SMURF2: variants seen among roughly 807,000 people sequenced by gnomAD.
SMURF2 encodes E3 ubiquitin-protein ligase SMURF2.
A neutral mutation model predicts 109.6 loss-of-function variants in SMURF2; 48 were observed. The ratio of observed to expected loss-of-function variants is 0.44; its 90% confidence interval spans 0.35 to 0.56. SMURF2 has a LOEUF of 0.56. Among genes scored for constraint, SMURF2 ranks in the 20% least tolerant of loss-of-function variants. The probability of loss-of-function intolerance (pLI) is 0.01; values close to 1 mark genes in which losing one functional copy is unlikely to be tolerated. For missense variants in SMURF2, 575 were observed against 909.0 expected (o/e 0.63, Z 4.72); for synonymous variants, 288 against 317.1 (o/e 0.91, Z 0.97).
At chr17:64,632,898 T>C (rs1350118475) in intron 1 of SMURF2, among the ~76,000 whole-genome samples, 1 of 152,218 alleles carries the variant, frequency 6.6e-6, no homozygotes, top group East Asian at 1.9e-4. Flanking sequence ...GAGTATTATT[T>C]TGAGGATTAA....
chr17:64,618,532 T>C (rs1555690306), intron 1 of SMURF2, among the ~76,000 whole-genome samples: 3 of 152,224 alleles, frequency 2.0e-5, no homozygotes, highest in African/African-American at 4.8e-5. Context: ...ACCTATGCTG[T>C]GTGCAGACCA....
chr17:64,659,725 C>A (rs757172537), intron 1 of SMURF2, among the ~76,000 whole-genome samples: 17 of 151,960 alleles, frequency 1.1e-4, no homozygotes, highest in Non-Finnish European at 2.4e-4. Flanking sequence ...CTAATTGAAT[C>A]CAGCTCTTGA....
intron 3 of SMURF2, among the ~76,000 whole-genome samples, chr17:64,594,640 G>T (rs532821555): frequency 8.5e-5 from 13 of 152,194 alleles, no homozygotes; most frequent in Admixed American, 7.9e-4. Flanking sequence ...TGTAATTCCA[G>T]AGCCAGAATC....
At position 64,651,198 on chromosome 17, in the gene SMURF2, A is replaced by AT. The variant is rs1555693459; in HGVS notation, c.52+10630_52+10631insA. ...GGCGACATAGCAAGGCTGTCTCAGA[A>AT]ATATATATATTTTTGTGTATATATA... On this transcript the variant is annotated intron_variant, in intron 1 of 18. Transcript: ENST00000262435. Among the ~76,000 whole-genome samples, 460 of 145,994 alleles carry AT rather than the reference A, an allele frequency of 3.2e-3. 2 individuals carry two copies. The highest frequency in any genetic ancestry group is 0.012 in the African/African-American group (447 of 37,852).
intron 1 of SMURF2, among the ~76,000 whole-genome samples, chr17:64,607,423 C>T (rs1424144593): frequency 6.6e-6 from 1 of 151,592 alleles, no homozygotes; most frequent in Non-Finnish European, 1.5e-5. Flanking sequence ...GTCAGGAGTT[C>T]GAGACCAGCC....
intron 15 of SMURF2, 114 bp from the exon 16 acceptor site, chr17:64,551,818 G>A: frequency 7.6e-7 from 1 of 1,315,714 alleles, no homozygotes; most frequent in Non-Finnish European, 1.0e-6. Context: ...AACATTAACG[G>A]TTTAGCCTCA....
At chr17:64,609,484 T>C (rs1970013444) in intron 1 of SMURF2, among the ~76,000 whole-genome samples, 2 of 152,178 alleles carry the variant, frequency 1.3e-5, no homozygotes, top group African/African-American at 4.8e-5. Flanking sequence ...TACAACCATC[T>C]GATCTTTGAC....
rs56131846 is a variant in SMURF2 at position 64,648,058 on chromosome 17, T to TAAAAAAAA, written c.52+13763_52+13770dup. On this transcript the variant is annotated intron_variant, in intron 1 of 18. Transcript: ENST00000262435. ...GGCAACACAGTGAGACCCTATCTCT[T>TAAAAAAAA]AAAAAAAAAAAAAAAAAAAAAAAAA... 3.4e-4 allele frequency among the ~76,000 whole-genome samples: 6 copies of TAAAAAAAA among 17,686 alleles called. 1 individual carries two copies. Among genetic ancestry groups the TAAAAAAAA allele is most frequent in the Non-Finnish European group, 6.6e-4 (6 of 9,156 alleles). The allele number at this position is 17,686 out of a possible 152,430, so 11.6% of individuals were successfully genotyped here. A position where few individuals can be genotyped will look rare whatever the true frequency, so the allele number is the denominator to read the frequency against.
At chr17:64,648,569 T>C (rs1970592240) in intron 1 of SMURF2, among the ~76,000 whole-genome samples, 1 of 151,980 alleles carries the variant, frequency 6.6e-6, no homozygotes, top group Non-Finnish European at 1.5e-5. Flanking sequence ...GCCAGGAGTT[T>C]GAGACCAGCC....
intron 10 of SMURF2, among the ~76,000 whole-genome samples, chr17:64,567,033 C>CT (rs1969324491): frequency 6.6e-6 from 1 of 151,164 alleles, no homozygotes; most frequent in Non-Finnish European, 1.5e-5. Context: ...ACCACGCCTA[C>CT]TTTTTTTGTA....
In SMURF2 at chr17:64,620,116, A is replaced by C. The variant is rs573778758; in HGVS notation, c.53-13476T>G. 1.1e-4 allele frequency among the ~76,000 whole-genome samples: 16 copies of C among 152,244 alleles called. No homozygotes were observed. The South Asian group carries it at 2.5e-3, about 24-fold the overall frequency. ...CAGTCATCCAGAAAGCAATGTCTTT[A>C]TCTCTCTTCCTCTCCCTGACCACCT... On this transcript the variant is annotated intron_variant, in intron 1 of 18. Transcript: ENST00000262435.
At chr17:64,616,571 C>T (rs963036501) in intron 1 of SMURF2, among the ~76,000 whole-genome samples, 2 of 151,368 alleles carry the variant, frequency 1.3e-5, no homozygotes, top group Non-Finnish European at 2.9e-5. Context: ...GAAAAATCCA[C>T]TTGAACCCAG....
chr17:64,609,994 A>G (rs1970022021), intron 1 of SMURF2, among the ~76,000 whole-genome samples: 1 of 152,176 alleles, frequency 6.6e-6, no homozygotes, highest in Non-Finnish European at 1.5e-5. Flanking sequence ...CAGCCAACAA[A>G]CATATGAAAA....
chr17:64,653,103 T>C (rs1555693658), intron 1 of SMURF2, among the ~76,000 whole-genome samples: 1 of 146,228 alleles, frequency 6.8e-6, no homozygotes, highest in Non-Finnish European at 1.5e-5. Context: ...GGACATCTTT[T>C]GGGGGGCGGT....
In SMURF2 at chr17:64,574,729, AC is replaced by A. The variant is rs1969463833; in HGVS notation, c.858-2774del. Among the ~76,000 whole-genome samples the A allele has an allele frequency of 1.2e-4, 19 of 152,364 alleles. No homozygotes were observed. In the South Asian group the frequency reaches 3.9e-3, roughly 32 times the overall value. On this transcript the variant is annotated intron_variant, in intron 9 of 18. Transcript: ENST00000262435. Reference sequence around the variant, plus strand: ...ATCATCATTCAAAATACATGTCAATACTCAACATGAGATATTCTTAAAGCTT... The same window carrying A: ...ATCATCATTCAAAATACATGTCAATATCAACATGAGATATTCTTAAAGCTT...
In SMURF2 at chr17:64,661,900, G is replaced by A. The variant is rs1455448384; in HGVS notation, c.-20C>T. 5 of 1,186,980 alleles carry A rather than the reference G, an allele frequency of 4.2e-6. No homozygotes were observed. Among genetic ancestry groups the A allele is most frequent in the African/African-American group, 3.2e-5 (2 of 62,390 alleles). 73.5% of individuals were successfully genotyped at this position (1,186,980 alleles called of 1,614,324 possible). On this transcript the variant is annotated 5_prime_UTR_variant, in exon 1 of 19. Transcript: ENST00000262435. ...AGACATGTCCCCGGCGGCGGGGGCG[G>A]CGGGGGCGGCGGGCGGCACGGGGGC... is the stretch of plus-strand genomic sequence containing the variant.
chr17:64,586,147 T>A lies in SMURF2; in HGVS notation c.424A>T (p.Ile142Leu). 3 of 1,609,144 alleles carry A rather than the reference T, an allele frequency of 1.9e-6. No individual in the cohort carries two copies. The highest frequency in any genetic ancestry group is 2.5e-6 in the Non-Finnish European group (3 of 1,178,114). ...TCCACAACTTGTCCTCCTGTGCCTATTCGGTCTCTGGACTGAAGACTTACT... is the reference window on the plus strand; with the variant it reads ...TCCACAACTTGTCCTCCTGTGCCTAATCGGTCTCTGGACTGAAGACTTACT... ...IVVSLQSRDR[I>L]GTGGQVVDCS... The change falls in exon 6 of 19, where the codon ATA (isoleucine) becomes TTA (leucine). Residue 142 changes from isoleucine to leucine, a missense_variant. Ile to Leu is a conservative substitution (Grantham distance 5, BLOSUM62 2). Transcript: ENST00000262435.
intron 1 of SMURF2, among the ~76,000 whole-genome samples, chr17:64,656,484 G>A (rs1263339843): frequency 6.6e-6 from 1 of 152,126 alleles, no homozygotes; most frequent in East Asian, 1.9e-4. Context: ...AATGTAAAAT[G>A]CAATTAGCTT....
intron 1 of SMURF2, among the ~76,000 whole-genome samples, chr17:64,640,626 A>G (rs1318102653): frequency 2.6e-5 from 4 of 152,318 alleles, no homozygotes; most frequent in Non-Finnish European, 5.9e-5. Flanking sequence ...GACGGGTTAA[A>G]GAAAAACAAT....
Sources: gnomAD v4.1 joint callset for allele counts (sites outside exome capture counted in the v4.1 genomes callset) on GRCh38, gnomAD v4.1.1 for gene constraint, MANE v1.5 for transcripts, NCBI Gene and HGNC (gene_info 2026-07-23, HGNC 2026-07-21) for gene names.